ADAMTSL1: variants seen among roughly 807,000 people sequenced by gnomAD.
The protein encoded by ADAMTSL1 is ADAMTS like 1.
A neutral mutation model predicts 201.8 loss-of-function variants in ADAMTSL1; 126 were observed. The observed-to-expected ratio is 0.62, with a 90% CI of 0.54 to 0.72. The LOEUF is 0.72. ADAMTSL1 is among the 30% of genes least tolerant of loss of function. The pLI, the probability that ADAMTSL1 is intolerant of heterozygous loss-of-function variation, is 0.00. For missense variants in ADAMTSL1, 2,679 were observed against 2,277.8 expected (o/e 1.18, Z -3.59); for synonymous variants, 1,121 against 903.4 (o/e 1.24, Z -4.32).
At chr9:18,341,851 C>A (rs936903756) in intron 2 of ADAMTSL1, among the ~76,000 whole-genome samples, 1 of 152,046 alleles carries the variant, frequency 6.6e-6, no homozygotes, top group Non-Finnish European at 1.5e-5. Context: ...TGGGAGAGAA[C>A]TGAACCAAGT....
rs775310518 is a variant in ADAMTSL1, at chr9:18,662,047, G to T, written c.1059G>T (p.Glu353Asp). The T allele has an allele frequency of 1.9e-6, 3 of 1,613,906 alleles. No individual in the cohort carries two copies. Among genetic ancestry groups the T allele is most frequent in the Non-Finnish European group, 1.7e-6 (2 of 1,179,888 alleles). The change falls in exon 9 of 29, where the codon GAG becomes GAT. Residue 353 changes from glutamate (E) to aspartate (D), a missense_variant. Transcript: ENST00000380548. ...TCAAACCCAAACCCAAGCTTCAGGA[G>T]TGCAACTTGGATCCTTGTCCAGCCA... ...ENIKPKPKLQ[E>D]CNLDPCPASD...
intron 1 of ADAMTSL1, among the ~76,000 whole-genome samples, chr9:18,117,854 A>G (rs1424847278): frequency 2.0e-5 from 3 of 152,186 alleles, no homozygotes; most frequent in African/African-American, 7.2e-5. Context: ...AAAACCATGC[A>G]TAGCTACCTT....
At chr9:18,898,207 A>G (rs1588341435) in intron 26 of ADAMTSL1, among the ~76,000 whole-genome samples, 2 of 152,308 alleles carry the variant, frequency 1.3e-5, no homozygotes, top group African/African-American at 4.8e-5. Context: ...AAGGTGGGTA[A>G]TAACAAACTT....
chr9:18,726,265 G>A (rs1237327515), intron 15 of ADAMTSL1, among the ~76,000 whole-genome samples: 1 of 152,170 alleles, frequency 6.6e-6, no homozygotes, highest in East Asian at 1.9e-4. Flanking sequence ...TACTTTGGGA[G>A]GCCAAGGCAG....
At chr9:18,440,936 C>G (rs956468147) in intron 2 of ADAMTSL1, among the ~76,000 whole-genome samples, 5 of 151,924 alleles carry the variant, frequency 3.3e-5, no homozygotes, top group Non-Finnish European at 7.4e-5. Flanking sequence ...CAAAGAACAA[C>G]AATTTATGAC....
At chr9:18,891,381 G>C (rs1829259983) in intron 25 of ADAMTSL1, among the ~76,000 whole-genome samples, 1 of 141,886 alleles carries the variant, frequency 7.0e-6, no homozygotes, top group Admixed American at 6.7e-5. Context: ...CAAAGAGTGG[G>C]ATTTTTTTGT....
At chr9:18,324,601 C>G (rs1254829567) in intron 2 of ADAMTSL1, among the ~76,000 whole-genome samples, 1 of 151,802 alleles carries the variant, frequency 6.6e-6, no homozygotes, top group Non-Finnish European at 1.5e-5. Context: ...CTCGTCTCTA[C>G]TAAAAATACA....
intron 17 of ADAMTSL1, among the ~76,000 whole-genome samples, chr9:18,771,705 CTTTTTTTTTTTTTTTTTT>C (rs374268861): frequency 2.2e-5 from 2 of 91,732 alleles, no homozygotes; most frequent in African/African-American, 8.5e-5. Flanking sequence ...ACCCCAGTGC[CTTTTTTTTTTTTTTTTTT>C]TTTTTTTTTT....
intron 1 of ADAMTSL1, among the ~76,000 whole-genome samples, chr9:17,956,494 C>G (rs72695978): frequency 0.015 from 2,344 of 152,218 alleles, 31 homozygotes; most frequent in Middle Eastern, 0.071. Context: ...TTAAAGAAAA[C>G]AGCAGAAAAT....
At position 18,910,675 on chromosome 9, in the gene ADAMTSL1, A is replaced by G. The variant is rs925520832; in HGVS notation, c.*2127A>G. 6.6e-5 allele frequency: 10 copies of G among 152,252 alleles called. No individual in the cohort carries two copies. Among genetic ancestry groups the G allele is most frequent in the Non-Finnish European group, 1.0e-4 (7 of 68,044 alleles). 9.4% of individuals were successfully genotyped at this position (152,252 alleles called of 1,614,324 possible). A position where few individuals can be genotyped will look rare whatever the true frequency, so the allele number is the denominator to read the frequency against. On this transcript the variant is annotated 3_prime_UTR_variant, in exon 29 of 29. Transcript: ENST00000380548. Reference sequence around the variant, plus strand: ...GATTGAAAATCAGTGGTCACTATTTACATTTCCTAAAGAGCAAGCATCCTC... The same window carrying G: ...GATTGAAAATCAGTGGTCACTATTTGCATTTCCTAAAGAGCAAGCATCCTC...
At chr9:18,116,183 A>G (rs980969245) in intron 1 of ADAMTSL1, among the ~76,000 whole-genome samples, 5 of 152,184 alleles carry the variant, frequency 3.3e-5, no homozygotes, top group Non-Finnish European at 7.3e-5. Context: ...TTTTCACTGC[A>G]TAAACAGTGA....
intron 2 of ADAMTSL1, among the ~76,000 whole-genome samples, chr9:18,313,454 T>C (rs1236568894): frequency 4.6e-5 from 7 of 152,150 alleles, no homozygotes; most frequent in African/African-American, 1.4e-4. Flanking sequence ...CACATTAGAA[T>C]CATAGAGAGT....
rs545953153 is a variant in ADAMTSL1 at position 18,865,239 on chromosome 9, G to C, written c.4250-22592G>C. ...CGGTGTGTGATGTTCCCCTTCCTGT[G>C]TCCAAGTGTTCTCATTGTTCAATTC... On this transcript the variant is annotated intron_variant, in intron 23 of 28. Transcript: ENST00000380548. Among the ~76,000 whole-genome samples, 4 of 151,576 alleles carry C rather than the reference G, an allele frequency of 2.6e-5. No individual in the cohort carries two copies. In the South Asian group the frequency reaches 8.4e-4, roughly 32 times the overall value.
chr9:18,899,550 C>T lies in ADAMTSL1; in HGVS notation c.4852-6232C>T, dbSNP rs117413478. Among the ~76,000 whole-genome samples the T allele has an allele frequency of 6.7e-4, 102 of 152,270 alleles. 1 individual carries two copies. The East Asian group carries it at 0.017, about 25-fold the overall frequency. On this transcript the variant is annotated intron_variant, in intron 26 of 28. Coordinates refer to ENST00000380548, the MANE Select transcript of ADAMTSL1 (RefSeq NM_001040272.6). ...TCACACTACCTGACTGCAAACTATA[C>T]TACAGTAACAAAAATAGGAGGGTAC... is the stretch of plus-strand genomic sequence containing the variant.
chr9:18,775,737 C>T lies in ADAMTSL1; in HGVS notation c.2398-6C>T. On this transcript the variant is annotated splice_polypyrimidine_tract_variant and splice_region_variant and intron_variant, in intron 17 of 28. Transcript: ENST00000380548. ...TATGTGCATTTGGCCTTTCTTTCTC[C>T]ACCAGTGTTCCACAAGCTGCGGGGA... is the stretch of plus-strand genomic sequence containing the variant. The T allele has an allele frequency of 6.2e-7, 1 of 1,612,068 alleles. No homozygotes were observed. Among genetic ancestry groups the T allele is most frequent in the Non-Finnish European group, 8.5e-7 (1 of 1,179,144 alleles).
chr9:17,956,957 C>A (rs1474536292), intron 1 of ADAMTSL1, among the ~76,000 whole-genome samples: 1 of 152,062 alleles, frequency 6.6e-6, no homozygotes, highest in Non-Finnish European at 1.5e-5. Context: ...TTAAAATCAT[C>A]CTACTTTGGT....
intron 2 of ADAMTSL1, among the ~76,000 whole-genome samples, chr9:18,525,235 G>T (rs1818962224): frequency 6.6e-6 from 1 of 152,164 alleles, no homozygotes; most frequent in South Asian, 2.1e-4. Flanking sequence ...GCATAGAGGT[G>T]TTTATAGTAT....
At chr9:17,964,176 T>C (rs771173531) in intron 1 of ADAMTSL1, among the ~76,000 whole-genome samples, 33 of 152,156 alleles carry the variant, frequency 2.2e-4, no homozygotes, top group Non-Finnish European at 3.8e-4. Context: ...TTCTGGGTAG[T>C]AAAAATATTT....
intron 1 of ADAMTSL1, among the ~76,000 whole-genome samples, chr9:18,500,649 T>C (rs1308730798): frequency 2.0e-5 from 3 of 152,218 alleles, no homozygotes; most frequent in African/African-American, 7.2e-5. Flanking sequence ...AGTGGATTTC[T>C]CAAATGCTAG....
Sources: allele counts gnomAD v4.1 joint callset (sites outside exome capture counted in the v4.1 genomes callset), GRCh38; gene constraint gnomAD v4.1.1; transcripts MANE v1.5; gene names NCBI Gene and HGNC (gene_info 2026-07-23, HGNC 2026-07-21).